The following SESTD1 variants were observed in gnomAD, a reference collection of about 807,000 sequenced individuals.
The protein encoded by SESTD1 is SEC14 and spectrin domain containing 1, also known as SEC14 domain and spectrin repeat-containing protein 1.
A neutral mutation model predicts 101.7 loss-of-function variants in SESTD1; 43 were observed. The observed-to-expected ratio is 0.42, with a 90% CI of 0.33 to 0.55. SESTD1 has a LOEUF of 0.55. Ranked by LOEUF, SESTD1 falls within the 20% of genes least tolerant of loss-of-function variation. The pLI, the probability that SESTD1 is intolerant of heterozygous loss-of-function variation, is 0.07. For missense variants in SESTD1, 647 were observed against 815.1 expected (o/e 0.79, Z 2.51); for synonymous variants, 283 against 286.8 (o/e 0.99, Z 0.13).
intron 9 of SESTD1, among the ~76,000 whole-genome samples, chr2:179,138,807 G>A (rs2045212830): frequency 6.8e-6 from 1 of 146,104 alleles, no homozygotes; most frequent in Admixed American, 7.0e-5. Flanking sequence ...GGAGGTCAAG[G>A]CTGCAATGAG....
intron 2 of SESTD1, among the ~76,000 whole-genome samples, chr2:179,183,833 G>GGAGAGA (rs368416135): frequency 5.7e-5 from 8 of 141,552 alleles, no homozygotes; most frequent in East Asian, 4.1e-4. Flanking sequence ...AGAAAAGAAA[G>GGAGAGA]GAGAGAGAGA....
At chr2:179,254,798 T>G (rs921236828) in intron 1 of SESTD1, among the ~76,000 whole-genome samples, 2 of 152,252 alleles carry the variant, frequency 1.3e-5, no homozygotes, top group African/African-American at 4.8e-5. Context: ...TACACTTTAT[T>G]GTGCTTTGCA....
intron 1 of SESTD1, among the ~76,000 whole-genome samples, chr2:179,198,403 G>A (rs1160375291): frequency 6.6e-6 from 1 of 152,136 alleles, no homozygotes; most frequent in Non-Finnish European, 1.5e-5. Flanking sequence ...CAATGACACA[G>A]AAAGCCAACA....
At chr2:179,245,070 C>T (rs952801744) in intron 1 of SESTD1, among the ~76,000 whole-genome samples, 1 of 152,144 alleles carries the variant, frequency 6.6e-6, no homozygotes, top group Non-Finnish European at 1.5e-5. Context: ...ATTCTAACAT[C>T]GCTTGCTGGG....
chr2:179,128,067 T>C (rs1486386360), intron 10 of SESTD1, among the ~76,000 whole-genome samples: 2 of 152,206 alleles, frequency 1.3e-5, no homozygotes, highest in Non-Finnish European at 2.9e-5. Context: ...TTGGGGTGTT[T>C]ATTAAAAATG....
intron 1 of SESTD1, among the ~76,000 whole-genome samples, chr2:179,230,644 G>A (rs193025340): frequency 1.6e-4 from 24 of 151,068 alleles, no homozygotes; most frequent in Admixed American, 2.6e-4. Flanking sequence ...GAGATAACGC[G>A]GTAAAAAAAA....
chr2:179,112,833 A>G lies in SESTD1; in HGVS notation c.1852T>C (p.Cys618Arg), dbSNP rs1371916355. 1.2e-6 allele frequency: 2 copies of G among 1,608,528 alleles called. No homozygotes were observed. Among genetic ancestry groups the G allele is most frequent in the South Asian group, 1.1e-5 (1 of 89,946 alleles). The change falls in exon 17 of 18, where the codon TGT becomes CGT. Residue 618 changes from cysteine to arginine, a missense_variant. Physicochemically the swap from Cys to Arg is radical, Grantham distance 180. This residue lies in a region of SESTD1 where 476 missense variants were observed against 562.6 expected (regional missense o/e 0.85). Coordinates refer to ENST00000428443, the MANE Select transcript of SESTD1 (RefSeq NM_178123.5). ...HSNAEKILQD[C>R]PEEPEAINDE... Reference sequence around the variant, plus strand: ...TTAATAGCTTCAGGCTCTTCTGGACAGTCCTGCAAAATCTGCAACAAATAA... The same window carrying G: ...TTAATAGCTTCAGGCTCTTCTGGACGGTCCTGCAAAATCTGCAACAAATAA...
rs1343972633 is a variant in SESTD1, at chr2:179,201,184, G to A, written c.-25-9318C>T. Among the ~76,000 whole-genome samples, 7 of 134,170 alleles carry A rather than the reference G, an allele frequency of 5.2e-5. 1 individual carries two copies. The highest frequency in any genetic ancestry group is 2.2e-4 in the Admixed American group (3 of 13,916). The allele number at this position is 134,170 out of a possible 152,430, so 88.0% of individuals were successfully genotyped here. A position where few individuals can be genotyped will look rare whatever the true frequency, so the allele number is the denominator to read the frequency against. On this transcript the variant is annotated intron_variant, in intron 1 of 17. Coordinates refer to ENST00000428443, the MANE Select transcript of SESTD1 (RefSeq NM_178123.5). ...AACACATGAAAAAATGCTCTCCATC[G>A]CTGGCCATCAGAGAAATGCAAATCA...
chr2:179,162,506 ATCC>A (rs1216819253), intron 5 of SESTD1: 4 of 152,198 alleles, frequency 2.6e-5, no homozygotes, highest in Non-Finnish European at 4.4e-5. Context: ...TTTACAAAAT[ATCC>A]TCCTATTAAA....
At chr2:179,118,557 T>TAA (rs143735250) in intron 13 of SESTD1, among the ~76,000 whole-genome samples, 14 of 151,956 alleles carry the variant, frequency 9.2e-5, no homozygotes, top group Non-Finnish European at 2.1e-4. Flanking sequence ...AGGCTTTTTT[T>TAA]TAAAAAAAAA....
chr2:179,114,874 C>T (rs1446022424), intron 16 of SESTD1, among the ~76,000 whole-genome samples, 191 bp downstream of exon 16: 1 of 152,110 alleles, frequency 6.6e-6, no homozygotes, highest in Non-Finnish European at 1.5e-5. Context: ...CTCTCCAGCA[C>T]TGGTAAGGAT....
rs1329686169 is a variant in SESTD1 at position 179,247,597 on chromosome 2, T to TA, written c.-26+16901dup. Among the ~76,000 whole-genome samples, 64 of 9,532 alleles carry TA rather than the reference T, an allele frequency of 6.7e-3. 1 individual carries two copies. The South Asian group carries it at 0.29, about 43-fold the overall frequency. 6.3% of individuals were successfully genotyped at this position (9,532 alleles called of 152,430 possible). On this transcript the variant is annotated intron_variant, in intron 1 of 17. Coordinates refer to ENST00000428443, the MANE Select transcript of SESTD1 (RefSeq NM_178123.5). ...GTACCACCACACCTGGCTAATTTGT[T>TA]AAATTTTTTTTTTTTCTTTTTTTGT...
chr2:179,157,703 T>G (rs2045657968), intron 5 of SESTD1, among the ~76,000 whole-genome samples: 1 of 152,182 alleles, frequency 6.6e-6, no homozygotes, highest in Non-Finnish European at 1.5e-5. Flanking sequence ...ACTTAATTTT[T>G]AATAATGTGT....
chr2:179,232,330 A>G (rs1291675094), intron 1 of SESTD1, among the ~76,000 whole-genome samples: 1 of 152,076 alleles, frequency 6.6e-6, no homozygotes, highest in Non-Finnish European at 1.5e-5. Flanking sequence ...TAGTAAATTC[A>G]TAATTCAAAA....
At chr2:179,158,982 T>G (rs2045681647) in intron 5 of SESTD1, among the ~76,000 whole-genome samples, 1 of 152,222 alleles carries the variant, frequency 6.6e-6, no homozygotes, top group Non-Finnish European at 1.5e-5. Flanking sequence ...ATCTCATTTT[T>G]GTTTAAGAGG....
At chr2:179,116,209 G>C (rs765359179) in intron 15 of SESTD1, among the ~76,000 whole-genome samples, 3 of 151,942 alleles carry the variant, frequency 2.0e-5, no homozygotes, top group Non-Finnish European at 4.4e-5. Flanking sequence ...GGGAGGCAGA[G>C]GTTGCAGTGA....
chr2:179,120,824 T>C (rs2044732845), intron 13 of SESTD1, among the ~76,000 whole-genome samples: 1 of 152,172 alleles, frequency 6.6e-6, no homozygotes, highest in Non-Finnish European at 1.5e-5. Flanking sequence ...GAGGAAGAGT[T>C]CTAATGCTAA....
chr2:179,231,867 C>CT (rs2046993555), intron 1 of SESTD1, among the ~76,000 whole-genome samples: 2 of 151,972 alleles, frequency 1.3e-5, no homozygotes, highest in Non-Finnish European at 2.9e-5. Flanking sequence ...CAGAGAAACA[C>CT]TGTTTAACGT....
chr2:179,117,435 T>TTTTTTAGGACCATGAAAA (rs1248626869), intron 14 of SESTD1, 97 bp downstream of exon 14: 1 of 1,126,926 alleles, frequency 8.9e-7, no homozygotes, highest in Non-Finnish European at 1.3e-6. Context: ...AAGAATTTAC[T>TTTTTTAGGACCATGAAAA]TTTTTAGGAC....
Sources: allele counts gnomAD v4.1 joint callset (sites outside exome capture counted in the v4.1 genomes callset), GRCh38; gene constraint gnomAD v4.1.1; regional missense constraint gnomAD v4.1.1; transcripts MANE v1.5; gene names NCBI Gene and HGNC (gene_info 2026-07-23, HGNC 2026-07-21).